The following SMG1 variants were observed in gnomAD, a reference collection of about 807,000 sequenced individuals.
The protein encoded by SMG1 is serine/threonine-protein kinase SMG1.
In SMG1, 22 loss-of-function variants were observed where a neutral mutation model predicts 419.9. The ratio of observed to expected loss-of-function variants is 0.05; its 90% CI spans 0.04 to 0.07. The LOEUF (loss-of-function observed/expected upper bound fraction) is 0.07. Among genes scored for constraint, SMG1 ranks in the 10% least tolerant of loss-of-function variants. The pLI is 1.00. For synonymous variants in SMG1, 1,538 were observed against 1,553.5 expected (o/e 0.99, Z 0.23); for missense variants, 3,185 against 4,342.0 (o/e 0.73, Z 7.49).
chr16:18,816,148 T>C, intron 58 of SMG1, 154 bp downstream of exon 58: 2 of 657,070 alleles, frequency 3.0e-6, no homozygotes, highest in Non-Finnish European at 5.1e-6. Flanking sequence ...AAATAGTTGA[T>C]GAAAACACAA....
chr16:18,828,212 G>A, intron 54 of SMG1, 44 bp from the exon 55 acceptor site: 1 of 1,590,428 alleles, frequency 6.3e-7, no homozygotes, highest in Admixed American at 1.7e-5. Context: ...CAGGAAAAAA[G>A]CGTTTAGATA....
At chr16:18,877,488 T>C (rs1049894141) in intron 11 of SMG1, 3 of 333,414 alleles carry the variant, frequency 9.0e-6, no homozygotes, top group Non-Finnish European at 1.7e-5. Flanking sequence ...TAAAAGATTT[T>C]TAGGGAAGTG....
chr16:18,881,279 A>G (rs567385994), intron 10 of SMG1, among the ~76,000 whole-genome samples: 2 of 152,256 alleles, frequency 1.3e-5, no homozygotes, highest in South Asian at 2.1e-4. Context: ...AACTCTGTAC[A>G]GTCTTCAAAC....
rs759321579 is a variant in SMG1 at position 18,869,224 on chromosome 16, G to A, written c.2713C>T (p.Leu905Phe). Residue 905 changes from leucine (L) to phenylalanine (F), a missense_variant, in exon 20 of 63, where the codon CTC becomes TTC. Coordinates refer to ENST00000446231, the MANE Select transcript of SMG1 (RefSeq NM_015092.5). ...KRDQSTIPRN[L>F]LKTDAVLWQW... is the part of the protein sequence containing the mutation. ...CAAAGGACAGCATCTGTCTTCAGGA[G>A]ATTGCGTGGAATTGTTGACTGGTCA... The A allele has an allele frequency of 1.9e-6, 3 of 1,611,736 alleles. No individual in the cohort carries two copies. Among genetic ancestry groups the A allele is most frequent in the Non-Finnish European group, 1.7e-6 (2 of 1,179,620 alleles).
At chr16:18,875,062 A>C (rs995009595) in intron 13 of SMG1, 8 of 152,418 alleles carry the variant, frequency 5.2e-5, no homozygotes, top group Non-Finnish European at 7.4e-5. Context: ...ACCCAAGTCT[A>C]AACACGAAAT....
chr16:18,898,906 T>C (rs2037238855), intron 1 of SMG1, among the ~76,000 whole-genome samples: 1 of 152,176 alleles, frequency 6.6e-6, no homozygotes, highest in African/African-American at 2.4e-5. Context: ...CACTGAAAAG[T>C]ATGTGTGCCT....
intron 6 of SMG1, among the ~76,000 whole-genome samples, chr16:18,889,085 A>G (rs1202928845): frequency 6.6e-6 from 1 of 152,040 alleles, no homozygotes; most frequent in African/African-American, 2.4e-5. Context: ...CGGCCTCCCA[A>G]AGTGCTGGGA....
At chr16:18,874,291 A>G (rs986138748) in intron 13 of SMG1, among the ~76,000 whole-genome samples, 3 of 151,742 alleles carry the variant, frequency 2.0e-5, no homozygotes, top group African/African-American at 7.3e-5. Flanking sequence ...GGTGTGCACC[A>G]CCACCCCTGG....
rs781022848 is a variant in SMG1, at chr16:18,870,855, G to A, written c.2336C>T (p.Ala779Val). 6.3e-7 allele frequency: 1 copy of A among 1,583,540 alleles called. No homozygotes were observed. The highest frequency in any genetic ancestry group is 8.6e-7 in the Non-Finnish European group (1 of 1,164,010). Residue 779 changes from alanine (A) to valine (V), a missense_variant, in exon 17 of 63, where the codon GCA becomes GTA. Coordinates refer to ENST00000446231, the MANE Select transcript of SMG1 (RefSeq NM_015092.5). Reference protein sequence around the residue: ...LVEDVNICLQACSSLHALSSS... With the variant: ...LVEDVNICLQVCSSLHALSSS... ...GGACAGAGCATGTAGACTGCTGCAT[G>A]CCTGCAGACAGATATTCACATCTTC...
chr16:18,845,035 A>AT (rs1277581333), intron 39 of SMG1, among the ~76,000 whole-genome samples: 3 of 152,250 alleles, frequency 2.0e-5, no homozygotes, highest in African/African-American at 7.2e-5. Flanking sequence ...TTTATCTGTT[A>AT]GAAATACTGA....
intron 25 of SMG1, 117 bp downstream of exon 25, chr16:18,863,533 T>A: frequency 1.1e-6 from 1 of 915,972 alleles, no homozygotes; most frequent in Non-Finnish European, 1.7e-6. Context: ...TGGCAGTAAG[T>A]TAGATATATA....
Position 18,854,860 on chromosome 16 carries a change from T to A in SMG1, c.4279A>T (p.Thr1427Ser). 1 of 1,614,006 alleles carries A rather than the reference T, an allele frequency of 6.2e-7. No homozygotes were observed. Among genetic ancestry groups the A allele is most frequent in the Non-Finnish European group, 8.5e-7 (1 of 1,179,876 alleles). ...CGTTTTCTAGCAAATTTTGCTGCTG[T>A]TAGACCTAATTCCATGAGATGGCTT... ...IRSHLMELGL[T>S]AAKFARKRGN... The change falls in exon 30 of 63, where the codon ACA becomes TCA. Residue 1427 changes from threonine to serine, a missense_variant. This residue lies in a region of SMG1 where 493 missense variants were observed against 552.9 expected (regional missense o/e 0.89). Transcript: ENST00000446231.
At chr16:18,903,673 C>G (rs12923950) in intron 1 of SMG1, among the ~76,000 whole-genome samples, 14,433 of 152,180 alleles carry the variant, frequency 0.095, 726 homozygotes, top group Middle Eastern at 0.17. Context: ...AACTTGATGA[C>G]TAAGGTTTCA....
chr16:18,883,137 A>G (rs2036472249), intron 9 of SMG1, among the ~76,000 whole-genome samples: 1 of 152,224 alleles, frequency 6.6e-6, no homozygotes, highest in South Asian at 2.1e-4. Flanking sequence ...CAAAGATGAA[A>G]AAAACAAAAT....
chr16:18,858,855 A>G (rs1163315552), intron 28 of SMG1, 167 bp downstream of exon 28: 2 of 567,080 alleles, frequency 3.5e-6, no homozygotes, highest in Admixed American at 3.6e-5. Context: ...CATCTGCCCC[A>G]TGTACTTCTC....
In SMG1 at chr16:18,811,647, A is replaced by C. The variant is rs185782027; in HGVS notation, c.10908+114T>G. On this transcript the variant is annotated intron_variant, in intron 62 of 62. Transcript: ENST00000446231. Reference sequence around the variant, plus strand: ...TACTCAAAATCTTCTGAATCCTGAAAACACATTTAAGTTCCTTGATGAACT... The same window carrying C: ...TACTCAAAATCTTCTGAATCCTGAACACACATTTAAGTTCCTTGATGAACT... 247 of 965,708 alleles carry C rather than the reference A, an allele frequency of 2.6e-4. No individual in the cohort carries two copies. In the African/African-American group the frequency reaches 3.7e-3, roughly 14 times the overall value. The allele number at this position is 965,708 out of a possible 1,614,324, so 59.8% of individuals were successfully genotyped here. A position where few individuals can be genotyped will look rare whatever the true frequency, so the allele number is the denominator to read the frequency against.
chr16:18,863,718 A>C lies in SMG1; in HGVS notation c.3627T>G (p.Ala1209=). 1 of 1,591,186 alleles carries C rather than the reference A, an allele frequency of 6.3e-7. No individual in the cohort carries two copies. Among genetic ancestry groups the C allele is most frequent in the South Asian group, 1.1e-5 (1 of 90,882 alleles). Residue 1209 remains alanine, a synonymous_variant, in exon 25 of 63, where the codon GCT becomes GCG. Transcript: ENST00000446231. ...DWAAVQEWQN[A]IHDLKKSTSS... ...TGGTACTCTTTTTCAAGTCATGGAT[A>C]GCGTTCTGCCATTCCTGCACAGCAG...
chr16:18,854,472 T>C (rs1195477186), intron 30 of SMG1, among the ~76,000 whole-genome samples, 184 bp downstream of exon 30: 2 of 152,324 alleles, frequency 1.3e-5, no homozygotes, highest in East Asian at 1.9e-4. Flanking sequence ...CAAAATTCTT[T>C]TGAAAGCACA....
At position 18,870,678 on chromosome 16, in the gene SMG1, G is replaced by A. The variant is rs188422517; in HGVS notation, c.2424C>T (p.His808=). ...ATGCTTGTCGAATACGAGTTCCACT[G>A]TGCACTAGTTGAACACGGCAAACAT... ...CVDVCRVQLV[H]SGTRIRQAFG... is the part of the protein sequence containing the mutation. Residue 808 remains histidine, a synonymous_variant, in exon 18 of 63, where the codon CAC becomes CAT. Coordinates refer to ENST00000446231, the MANE Select transcript of SMG1 (RefSeq NM_015092.5). The A allele has an allele frequency of 6.2e-7, 1 of 1,609,064 alleles. No homozygotes were observed. Among genetic ancestry groups the A allele is most frequent in the East Asian group, 2.2e-5 (1 of 44,866 alleles).
Sources: gnomAD v4.1 joint callset for allele counts (sites outside exome capture counted in the v4.1 genomes callset) on GRCh38, gnomAD v4.1.1 for gene constraint, gnomAD v4.1.1 regional missense constraint, MANE v1.5 for transcripts, NCBI Gene and HGNC (gene_info 2026-07-23, HGNC 2026-07-21) for gene names.